CD9: variants seen among roughly 807,000 people sequenced by gnomAD.
The protein encoded by CD9 is CD9 antigen.
Under a neutral mutation model 31.4 loss-of-function variants are expected in CD9, and 10 were observed. The ratio of observed to expected loss-of-function variants is 0.32; its 90% CI spans 0.20 to 0.54. The LOEUF is 0.54. Among genes scored for constraint, CD9 ranks in the 20% least tolerant of loss-of-function variants. The pLI is 0.94. For synonymous variants in CD9, 113 were observed against 114.1 expected, an observed-to-expected ratio of 0.99 and a Z score of 0.06; for missense variants, 259 against 300.1, an observed-to-expected ratio of 0.86 and a Z score of 1.01.
chr12:6,214,344 CTTT>C lies in CD9; in HGVS notation c.67-11060_67-11058del, dbSNP rs71450123. ...CAACCTGCAACTTGACCATTAGCCT[CTTT>C]TTTTTTTTTTTTTTTTTTTTTGAGA... is the stretch of plus-strand genomic sequence containing the variant. On this transcript the variant is annotated intron_variant, in intron 1 of 7. Transcript: ENST00000009180. 3.3e-4 allele frequency among the ~76,000 whole-genome samples: 22 copies of C among 67,080 alleles called. No homozygotes were observed. The South Asian group carries it at 0.011, about 35-fold the overall frequency. The allele number at this position is 67,080 out of a possible 152,430, so 44.0% of individuals were successfully genotyped here. A position where few individuals can be genotyped will look rare whatever the true frequency, so the allele number is the denominator to read the frequency against.
chr12:6,217,616 T>G (rs1946255306), intron 1 of CD9, among the ~76,000 whole-genome samples: 1 of 152,198 alleles, frequency 6.6e-6, no homozygotes, highest in Admixed American at 6.5e-5. Flanking sequence ...AGGCAGCAGC[T>G]CACTATTCTT....
At chr12:6,228,945 G>A (rs993605499) in intron 2 of CD9, among the ~76,000 whole-genome samples, 6 of 152,368 alleles carry the variant, frequency 3.9e-5, no homozygotes, top group African/African-American at 1.2e-4. Flanking sequence ...TGGGGCCACA[G>A]CTTACCAAGT....
chr12:6,214,054 G>C (rs1946218616), intron 1 of CD9, among the ~76,000 whole-genome samples: 1 of 152,202 alleles, frequency 6.6e-6, no homozygotes, highest in African/African-American at 2.4e-5. Flanking sequence ...CAGTGAGGAA[G>C]CACCGTGCAT....
At chr12:6,211,188 A>G (rs776733123) in intron 1 of CD9, among the ~76,000 whole-genome samples, 3 of 152,182 alleles carry the variant, frequency 2.0e-5, no homozygotes, top group African/African-American at 4.8e-5. Context: ...ATAGAAGACA[A>G]TATTACCTCT....
At chr12:6,212,476 C>CAA (rs1372058111) in intron 1 of CD9, among the ~76,000 whole-genome samples, 1 of 152,208 alleles carries the variant, frequency 6.6e-6, no homozygotes, top group African/African-American at 2.4e-5. Context: ...CGAACATTTA[C>CAA]ACACAACGAG....
intron 2 of CD9, chr12:6,226,486 A>G (rs1484345792): frequency 6.6e-6 from 1 of 152,228 alleles, no homozygotes; most frequent in African/African-American, 2.4e-5. Context: ...AGTTATTTTT[A>G]CAAACGAGGG....
Position 6,215,694 on chromosome 12 carries a change from A to G in CD9, c.67-9732A>G, listed in dbSNP as rs139624032. Among the ~76,000 whole-genome samples the G allele has an allele frequency of 2.2e-3, 331 of 152,356 alleles. 3 individuals carry two copies. Among genetic ancestry groups the G allele is most frequent in the African/African-American group, 6.7e-3 (277 of 41,578 alleles). On this transcript the variant is annotated intron_variant, in intron 1 of 7. Coordinates refer to ENST00000009180, the MANE Select transcript of CD9 (RefSeq NM_001769.4). ...CCAGGATGCGCCTGACCAACCAGTC[A>G]TACCTACAAAAGGGAGTTCTGGTTC...
intron 2 of CD9, chr12:6,226,445 G>A (rs913528894): frequency 6.6e-6 from 1 of 152,176 alleles, no homozygotes; most frequent in African/African-American, 2.4e-5. Context: ...CAAAATGTAA[G>A]TTTGGTCACT....
intron 2 of CD9, among the ~76,000 whole-genome samples, chr12:6,229,897 C>G (rs191317740): frequency 6.6e-6 from 1 of 151,702 alleles, no homozygotes; most frequent in Non-Finnish European, 1.5e-5. Flanking sequence ...AAATTAATAC[C>G]GTAATCCTAG....
chr12:6,206,281 A>G (rs892625156), intron 1 of CD9, among the ~76,000 whole-genome samples: 1 of 151,848 alleles, frequency 6.6e-6, no homozygotes, highest in African/African-American at 2.4e-5. Flanking sequence ...AGTGTTAACA[A>G]TCATGGCTCA....
intron 1 of CD9, among the ~76,000 whole-genome samples, chr12:6,207,997 G>T (rs906450935): frequency 2.6e-5 from 4 of 152,174 alleles, no homozygotes; most frequent in African/African-American, 9.7e-5. Flanking sequence ...GGCCGAGACA[G>T]GCGGATCACC....
intron 1 of CD9, among the ~76,000 whole-genome samples, chr12:6,202,424 T>C (rs967614533): frequency 6.6e-6 from 1 of 152,176 alleles, no homozygotes; most frequent in African/African-American, 2.4e-5. Context: ...CCCTTGAACT[T>C]TGGGAGTTTT....
rs191691876 is a variant in CD9, at chr12:6,235,943, C to T, written c.538-249C>T. The stretch of plus-strand genomic sequence containing the variant: ...ACCTTACAACCATGTCAGAAATAGA[C>T]CCCCAAGCAGGGCCTGTCCCTCCTC... On this transcript the variant is annotated intron_variant, in intron 6 of 7. Transcript: ENST00000009180. 7.2e-5 allele frequency: 101 copies of T among 1,401,414 alleles called. 1 individual carries two copies. In the East Asian group the frequency reaches 7.6e-4, roughly 11 times the overall value. The allele number at this position is 1,401,414 out of a possible 1,614,324, so 86.8% of individuals were successfully genotyped here.
intron 4 of CD9, 60 bp from the exon 5 acceptor site, chr12:6,235,169 T>C: frequency 8.3e-7 from 1 of 1,210,514 alleles, no homozygotes; most frequent in Non-Finnish European, 1.2e-6. Context: ...GCATAACATT[T>C]GTTCGTGGAG....
intron 2 of CD9, among the ~76,000 whole-genome samples, chr12:6,228,412 C>T (rs1266986230): frequency 1.3e-5 from 2 of 151,890 alleles, no homozygotes; most frequent in African/African-American, 4.8e-5. Context: ...ATTAGCTGGG[C>T]GTAGTGGCGT....
At chr12:6,200,862 G>C (rs1169177695) in intron 1 of CD9, 1 of 332,582 alleles carries the variant, frequency 3.0e-6, no homozygotes, top group African/African-American at 2.2e-5. Context: ...GCTCGCCTAG[G>C]ATTTGAGCTG....
At chr12:6,235,094 G>A in intron 4 of CD9, 135 bp from the exon 5 acceptor site, 1 of 708,994 alleles carries the variant, frequency 1.4e-6, no homozygotes, top group Non-Finnish European at 2.5e-6. Flanking sequence ...GCTGCCATCT[G>A]CCCAGTGACG....
In CD9 at chr12:6,232,803, A is replaced by C. The variant is rs1242001440; in HGVS notation, c.273+74A>C. The C allele has an allele frequency of 1.0e-6, 1 of 967,580 alleles. No individual in the cohort carries two copies. The highest frequency in any genetic ancestry group is 1.6e-6 in the Non-Finnish European group (1 of 628,702). The allele number at this position is 967,580 out of a possible 1,614,324, so 59.9% of individuals were successfully genotyped here. A position where few individuals can be genotyped will look rare whatever the true frequency, so the allele number is the denominator to read the frequency against. On this transcript the variant is annotated intron_variant, in intron 3 of 7. Transcript: ENST00000009180. The surrounding 1 kb of genome is among the most constrained non-coding windows in gnomAD (Gnocchi z 4.8). ...AAAACCTCAGCAGGCCCAGACCCAGACCACAGAACAGATGGAGGGGGATGG... is the reference window on the plus strand; with the variant it reads ...AAAACCTCAGCAGGCCCAGACCCAGCCCACAGAACAGATGGAGGGGGATGG...
chr12:6,203,751 T>TAGAC (rs1946099939), intron 1 of CD9, among the ~76,000 whole-genome samples: 1 of 152,138 alleles, frequency 6.6e-6, no homozygotes, highest in Admixed American at 6.5e-5. Context: ...GTCCATGTGG[T>TAGAC]AGACACACAA....
Sources: allele counts gnomAD v4.1 joint callset (sites outside exome capture counted in the v4.1 genomes callset), GRCh38; gene constraint gnomAD v4.1.1; non-coding constraint Gnocchi (gnomAD v3.1); transcripts MANE v1.5; gene names NCBI Gene and HGNC (gene_info 2026-07-23, HGNC 2026-07-21).